The following MOXD1 variants were observed in gnomAD, a reference collection of about 807,000 sequenced individuals.
MOXD1 encodes monooxygenase DBH like 1.
A neutral mutation model predicts 66.6 loss-of-function variants in MOXD1; 62 were observed. The ratio of observed to expected loss-of-function variants is 0.93; its 90% CI spans 0.76 to 1.15. MOXD1 has a LOEUF of 1.15. Among genes scored for constraint, MOXD1 ranks in the 50% most tolerant of loss-of-function variants. The probability of loss-of-function intolerance (pLI) is 0.00; values close to 1 mark genes in which losing one functional copy is unlikely to be tolerated. For synonymous variants in MOXD1, 303 were observed against 281.9 expected (o/e 1.07, Z -0.75); for missense variants, 847 against 754.6 (o/e 1.12, Z -1.44).
At chr6:132,379,342 A>G (rs1336033419) in intron 1 of MOXD1, among the ~76,000 whole-genome samples, 1 of 152,194 alleles carries the variant, frequency 6.6e-6, no homozygotes. Flanking sequence ...AACTAGCAAT[A>G]GAAGGGCACT....
chr6:132,390,667 A>T lies in MOXD1; in HGVS notation c.264+10496T>A, dbSNP rs921527219. ...AGTACTTTCCTGAAACAGTCATATG[A>T]CAGCCACAGACAATTTCCATGCTTT... On this transcript the variant is annotated intron_variant, in intron 1 of 11. Coordinates refer to ENST00000367963, the MANE Select transcript of MOXD1 (RefSeq NM_015529.4). 3 of 151,604 alleles carry T rather than the reference A, an allele frequency of 2.0e-5. 1 individual carries two copies. The highest frequency in any genetic ancestry group is 4.4e-5 in the Non-Finnish European group (3 of 67,784). 9.4% of individuals were successfully genotyped at this position (151,604 alleles called of 1,614,324 possible). A position where few individuals can be genotyped will look rare whatever the true frequency, so the allele number is the denominator to read the frequency against.
intron 4 of MOXD1, among the ~76,000 whole-genome samples, chr6:132,334,684 C>T (rs1327452883): frequency 6.6e-6 from 1 of 152,210 alleles, no homozygotes; most frequent in African/African-American, 2.4e-5. Context: ...AATCAGCTCT[C>T]AGCAAATGTC....
chr6:132,380,027 C>T (rs1211028895), intron 1 of MOXD1, among the ~76,000 whole-genome samples: 1 of 152,154 alleles, frequency 6.6e-6, no homozygotes, highest in African/African-American at 2.4e-5. Context: ...TCTGGGATCA[C>T]AGGTGTAAGC....
At position 132,376,501 on chromosome 6, in the gene MOXD1, CTTTTTTTTTTTTTTTTT is replaced by C. The variant is rs1166086289; in HGVS notation, c.265-1741_265-1725del. On this transcript the variant is annotated intron_variant, in intron 1 of 11. Coordinates refer to ENST00000367963, the MANE Select transcript of MOXD1 (RefSeq NM_015529.4). ...ACAATGGTAACAATAACTACAGCTTCTTTTTTTTTTTTTTTTTTTTTTTTTTTTTTGAGACGGAGTCT... is the reference window on the plus strand; with the variant it reads ...ACAATGGTAACAATAACTACAGCTTCTTTTTTTTTTTTTGAGACGGAGTCT... 1.5e-4 allele frequency among the ~76,000 whole-genome samples: 10 copies of C among 65,382 alleles called. 1 individual carries two copies. Among genetic ancestry groups the C allele is most frequent in the South Asian group, 1.5e-3 (3 of 1,978 alleles). 42.9% of individuals were successfully genotyped at this position (65,382 alleles called of 152,430 possible).
rs779471053 is a variant in MOXD1, at chr6:132,328,500, G to A, written c.758C>T (p.Ser253Phe). The change falls in exon 5 of 12, where the codon TCC becomes TTC. Residue 253 changes from serine (S) to phenylalanine (F), a missense_variant. Transcript: ENST00000367963. ...GTTGGGGTGATAGCACTCGTGGCCG[G>A]ACTCCAGAACGCTGTCGTTAAAGTT... ...SNNFNDSVLESGHECYHPNMP... is the reference protein window; with the variant it reads ...SNNFNDSVLEFGHECYHPNMP... 3.0e-5 allele frequency: 49 copies of A among 1,614,014 alleles called. No individual in the cohort carries two copies. The highest frequency in any genetic ancestry group is 4.0e-5 in the Non-Finnish European group (47 of 1,180,016).
At chr6:132,351,268 G>T (rs1468006453) in intron 4 of MOXD1, among the ~76,000 whole-genome samples, 6 of 152,084 alleles carry the variant, frequency 3.9e-5, no homozygotes, top group Non-Finnish European at 7.4e-5. Context: ...TATTATGCTG[G>T]TTGTGGGTTT....
chr6:132,306,583 G>T (rs1774693102), intron 10 of MOXD1, among the ~76,000 whole-genome samples: 1 of 151,980 alleles, frequency 6.6e-6, no homozygotes. Context: ...GGTCAAAATG[G>T]AGGACAAACT....
intron 3 of MOXD1, 69 bp from the exon 4 acceptor site, chr6:132,372,760 G>A (rs1007630301): frequency 7.0e-5 from 113 of 1,607,928 alleles, no homozygotes; most frequent in Admixed American, 1.3e-4. Context: ...ATACAATAAT[G>A]TAAGCAAAAA....
chr6:132,317,022 TC>T (rs1774974982), intron 9 of MOXD1, among the ~76,000 whole-genome samples: 1 of 151,182 alleles, frequency 6.6e-6, no homozygotes, highest in African/African-American at 2.4e-5. Context: ...TAAGAAAAAA[TC>T]TTGAAAGGAG....
At chr6:132,333,586 T>A (rs1387529351) in intron 4 of MOXD1, among the ~76,000 whole-genome samples, 1 of 152,216 alleles carries the variant, frequency 6.6e-6, no homozygotes, top group Non-Finnish European at 1.5e-5. Context: ...TAATCTTGCT[T>A]GTAGCCTGGC....
At position 132,297,727 on chromosome 6, in the gene MOXD1, C is replaced by T. The variant is rs560072181; in HGVS notation, c.1677+60G>A. 1.6e-5 allele frequency: 24 copies of T among 1,502,276 alleles called. No individual in the cohort carries two copies. In the East Asian group the frequency reaches 5.6e-4, roughly 35 times the overall value. 93.1% of individuals were successfully genotyped at this position (1,502,276 alleles called of 1,614,324 possible). ...GATATTTGTCTTCTCCTTAGGTTTT[C>T]CTGTAATAGATTCAGATAAAATGTG... On this transcript the variant is annotated intron_variant, in intron 11 of 11. Coordinates refer to ENST00000367963, the MANE Select transcript of MOXD1 (RefSeq NM_015529.4).
At chr6:132,377,390 C>A (rs1582603355) in intron 1 of MOXD1, among the ~76,000 whole-genome samples, 1 of 152,276 alleles carries the variant, frequency 6.6e-6, no homozygotes. Context: ...TTTTGCAATA[C>A]AATACAAACT....
intron 4 of MOXD1, among the ~76,000 whole-genome samples, chr6:132,340,638 A>ATCTTTTTTTTTTTTTTT (rs1562287208): frequency 2.0e-5 from 2 of 98,808 alleles, no homozygotes; most frequent in African/African-American, 8.9e-5. Flanking sequence ...AACAAGACTC[A>ATCTTTTTTTTTTTTTTT]TTTTTTTTTT....
rs751985293 is a variant in MOXD1 at position 132,297,757 on chromosome 6, C to A, written c.1677+30G>T. ...AATAGATTCAGATAAAATGTGTCATCTGGGTTGTCAGAGGTTAAAAAGAGC... is the reference window on the plus strand; with the variant it reads ...AATAGATTCAGATAAAATGTGTCATATGGGTTGTCAGAGGTTAAAAAGAGC... On this transcript the variant is annotated intron_variant, in intron 11 of 11. Coordinates refer to ENST00000367963, the MANE Select transcript of MOXD1 (RefSeq NM_015529.4). 12 of 1,561,958 alleles carry A rather than the reference C, an allele frequency of 7.7e-6. No individual in the cohort carries two copies. In the East Asian group the frequency reaches 2.3e-4, roughly 30 times the overall value.
chr6:132,342,279 C>G (rs991926577), intron 4 of MOXD1, among the ~76,000 whole-genome samples: 1 of 152,198 alleles, frequency 6.6e-6, no homozygotes. Context: ...GGATTACAGG[C>G]GTGAGCCACC....
intron 1 of MOXD1, among the ~76,000 whole-genome samples, chr6:132,393,425 G>C (rs1776809585): frequency 6.6e-6 from 1 of 152,180 alleles, no homozygotes; most frequent in South Asian, 2.1e-4. Context: ...AGGAAGGAGA[G>C]GGAAGCAAGG....
rs143720394 is a variant in MOXD1, at chr6:132,335,015, A to G, written c.664-6421T>C. ...TGTTGCAGAATTCCCTAGAACTTAG[A>G]ACGAAGAAAATGTTTCAGAATTTGA... is the stretch of plus-strand genomic sequence containing the variant. On this transcript the variant is annotated intron_variant, in intron 4 of 11. Coordinates refer to ENST00000367963, the MANE Select transcript of MOXD1 (RefSeq NM_015529.4). Among the ~76,000 whole-genome samples the G allele has an allele frequency of 2.8e-3, 425 of 152,300 alleles. 1 individual carries two copies. Among genetic ancestry groups the G allele is most frequent in the African/African-American group, 9.1e-3 (380 of 41,562 alleles).
chr6:132,311,147 C>T (rs1774821836), intron 10 of MOXD1, among the ~76,000 whole-genome samples: 1 of 151,888 alleles, frequency 6.6e-6, no homozygotes, highest in Non-Finnish European at 1.5e-5. Flanking sequence ...CCTAAAATAT[C>T]ATATCCAGCC....
intron 4 of MOXD1, among the ~76,000 whole-genome samples, chr6:132,330,705 T>C (rs1775299824): frequency 6.6e-6 from 1 of 152,358 alleles, no homozygotes; most frequent in Admixed American, 6.5e-5. Context: ...TTAAAATCCT[T>C]GCTTGCTCTC....
Sources: allele counts gnomAD v4.1 joint callset (sites outside exome capture counted in the v4.1 genomes callset), GRCh38; gene constraint gnomAD v4.1.1; transcripts MANE v1.5; gene names NCBI Gene and HGNC (gene_info 2026-07-23, HGNC 2026-07-21).